The following UACA variants were observed in gnomAD, a reference collection of about 807,000 sequenced individuals.
The protein encoded by UACA is uveal autoantigen with coiled-coil domains and ankyrin repeats, also known as nuclear membrane binding protein.
UACA carries 112 observed loss-of-function variants against 160.5 expected under a neutral mutation model. The observed-to-expected ratio is 0.70, with a 90% CI of 0.60 to 0.82. UACA has a LOEUF of 0.82. Among genes scored for constraint, UACA ranks in the 40% least tolerant of loss-of-function variants. The pLI is 0.00. For synonymous variants in UACA, 557 were observed against 568.4 expected, an observed-to-expected ratio of 0.98 and a Z score of 0.29; for missense variants, 1,574 against 1,614.6, an observed-to-expected ratio of 0.97 and a Z score of 0.43.
At chr15:70,670,874 T>C (rs889341976) in intron 15 of UACA, among the ~76,000 whole-genome samples, 165 bp downstream of exon 15, 1 of 152,182 alleles carries the variant, frequency 6.6e-6, no homozygotes. Context: ...CAGCAATATC[T>C]GTTTTTATTA....
At chr15:70,728,182 G>C (rs2140993815) in intron 1 of UACA, among the ~76,000 whole-genome samples, 1 of 152,286 alleles carries the variant, frequency 6.6e-6, no homozygotes, top group Non-Finnish European at 1.5e-5. Context: ...ATATGTAGAA[G>C]AATGAAACTA....
intron 3 of UACA, among the ~76,000 whole-genome samples, chr15:70,694,520 C>G (rs1898059590): frequency 6.6e-6 from 1 of 152,144 alleles, no homozygotes; most frequent in Non-Finnish European, 1.5e-5. Flanking sequence ...AATTACTTAA[C>G]AGCTCAGGGC....
intron 1 of UACA, among the ~76,000 whole-genome samples, chr15:70,754,615 T>C (rs1484749627): frequency 6.6e-6 from 1 of 152,246 alleles, no homozygotes. Context: ...TCATCGATCC[T>C]TTGCCAGTGC....
At chr15:70,663,689 A>AT (rs1396324402) in intron 17 of UACA, among the ~76,000 whole-genome samples, 1 of 152,132 alleles carries the variant, frequency 6.6e-6, no homozygotes, top group Non-Finnish European at 1.5e-5. Context: ...CTATGCAGTG[A>AT]TAAAAAAGGA....
At chr15:70,660,288 C>T in intron 17 of UACA, 72 bp from the exon 18 acceptor site, 1 of 1,256,726 alleles carries the variant, frequency 8.0e-7, no homozygotes. Flanking sequence ...AATGCTCAGG[C>T]TTCATGCTAC....
At chr15:70,769,075 C>T in the UACA span, among the ~76,000 whole-genome samples, 1 of 151,992 alleles carries the variant, frequency 6.6e-6, no homozygotes, top group Non-Finnish European at 1.5e-5. Context: ...ATCTCACTTT[C>T]GGGCCCGGCG....
chr15:70,696,005 GC>G (rs1235778390), intron 2 of UACA, among the ~76,000 whole-genome samples: 1 of 152,070 alleles, frequency 6.6e-6, no homozygotes, highest in East Asian at 1.9e-4. Flanking sequence ...ATAGTTGTTG[GC>G]AAAGGATGTT....
At chr15:70,693,924 T>C (rs1158245624) in intron 3 of UACA, among the ~76,000 whole-genome samples, 2 of 152,178 alleles carry the variant, frequency 1.3e-5, no homozygotes, top group African/African-American at 4.8e-5. Context: ...AGCAGATAAA[T>C]TGAATTTGGT....
In UACA at chr15:70,740,581, G is replaced by T. The variant is rs542217662; in HGVS notation, c.78+22749C>A. Among the ~76,000 whole-genome samples the T allele has an allele frequency of 4.8e-5, 7 of 146,636 alleles. No homozygotes were observed. In the South Asian group the frequency reaches 1.5e-3, roughly 32 times the overall value. ...GAGCCCAGGAGGTCAAGGCTACAGTGAGCCATGTTTCCTGCCACTGCACTC... is the reference window on the plus strand; with the variant it reads ...GAGCCCAGGAGGTCAAGGCTACAGTTAGCCATGTTTCCTGCCACTGCACTC... On this transcript the variant is annotated intron_variant, in intron 1 of 18. Coordinates refer to ENST00000322954, the MANE Select transcript of UACA (RefSeq NM_018003.4).
intron 1 of UACA, among the ~76,000 whole-genome samples, chr15:70,722,736 A>G (rs1159210010): frequency 1.3e-5 from 2 of 152,344 alleles, no homozygotes; most frequent in South Asian, 2.1e-4. Context: ...TATTCTTAAT[A>G]TGAGTTCACT....
rs138988448 is a variant in UACA, at chr15:70,664,778, G to C, written c.3997C>G (p.Gln1333Glu). Residue 1333 changes from glutamine (Q) to glutamate (E), a missense_variant, in exon 17 of 19, where the codon CAG becomes GAG. Transcript: ENST00000322954. Reference sequence around the variant, plus strand: ...AGTTGGGAAAGGCCATTGAGTGCCTGTTTTAATCTTTCCACATCATTAAGC... The same window carrying C: ...AGTTGGGAAAGGCCATTGAGTGCCTCTTTTAATCTTTCCACATCATTAAGC... ...ELLNDVERLK[Q>E]ALNGLSQLTY... is the part of the protein sequence containing the mutation. 5.8e-5 allele frequency: 93 copies of C among 1,613,362 alleles called. 1 individual carries two copies. The African/African-American group carries it at 1.2e-3, about 20-fold the overall frequency.
chr15:70,695,247 T>A (rs912334897), intron 2 of UACA, 142 bp from the exon 3 acceptor site: 1 of 506,778 alleles, frequency 2.0e-6, no homozygotes, highest in South Asian at 3.6e-5. Context: ...AACACCTACA[T>A]ATTTAATTAA....
chr15:70,736,871 C>T (rs1899384297), intron 1 of UACA, among the ~76,000 whole-genome samples: 1 of 152,118 alleles, frequency 6.6e-6, no homozygotes, highest in African/African-American at 2.4e-5. Flanking sequence ...TAAATAAATG[C>T]TTATACTTGT....
chr15:70,713,278 G>A (rs1898738219), intron 1 of UACA, among the ~76,000 whole-genome samples: 1 of 152,202 alleles, frequency 6.6e-6, no homozygotes, highest in Non-Finnish European at 1.5e-5. Context: ...AACCCAGGAG[G>A]CAGAGCCTGC....
At chr15:70,744,715 T>C (rs575191926) in intron 1 of UACA, among the ~76,000 whole-genome samples, 10 of 152,332 alleles carry the variant, frequency 6.6e-5, no homozygotes, top group Admixed American at 2.6e-4. Flanking sequence ...AATTGAATTT[T>C]GCTGAAATTT....
At chr15:70,760,805 CA>C (rs34530236) in intron 1 of UACA, among the ~76,000 whole-genome samples, 146 of 62,994 alleles carry the variant, frequency 2.3e-3, no homozygotes, top group African/African-American at 5.5e-3. Context: ...GACTCCGTCT[CA>C]AAAAAAAAAA....
chr15:70,668,629 C>G lies in UACA; in HGVS notation c.2055G>C (p.Glu685Asp), dbSNP rs1897023235. 6.2e-7 allele frequency: 1 copy of G among 1,613,842 alleles called. No homozygotes were observed. Among genetic ancestry groups the G allele is most frequent in the African/African-American group, 1.3e-5 (1 of 74,904 alleles). The change falls in exon 16 of 19, where the codon GAG becomes GAC. Residue 685 changes from glutamate to aspartate, a missense_variant. Transcript: ENST00000322954. ...ATCTGCTCTTAACCTGTTCATGTTC[C>G]TCTGGTTTGACGTGCTGAGCAAGCT... is the stretch of plus-strand genomic sequence containing the variant. The part of the protein sequence containing the change: ...KAKLAQHVKP[E>D]EHEQVKSRLE...
chr15:70,707,485 C>G (rs1004155319), intron 1 of UACA, among the ~76,000 whole-genome samples: 2 of 151,986 alleles, frequency 1.3e-5, no homozygotes, highest in African/African-American at 4.8e-5. Context: ...AAAAAGGCAA[C>G]CTACAGAATG....
intron 1 of UACA, among the ~76,000 whole-genome samples, chr15:70,716,282 A>G (rs565358616): frequency 7.2e-5 from 11 of 152,302 alleles, no homozygotes; most frequent in African/African-American, 2.2e-4. Context: ...ACCAGCAAGC[A>G]TCATGTGCCA....
Sources: allele counts gnomAD v4.1 joint callset (sites outside exome capture counted in the v4.1 genomes callset), GRCh38; gene constraint gnomAD v4.1.1; transcripts MANE v1.5; gene names NCBI Gene and HGNC (gene_info 2026-07-23, HGNC 2026-07-21).